Variants in IQCM observed in about 807,000 individuals in gnomAD.
IQCM encodes IQ domain-containing protein M.
IQCM carries 45 observed loss-of-function variants against 57.6 expected under a neutral mutation model. The ratio of observed to expected loss-of-function variants is 0.78; its 90% CI spans 0.62 to 1.00. The LOEUF (loss-of-function observed/expected upper bound fraction) is 1.00, where lower values mean the gene tolerates loss of function less well. Among genes scored for constraint, IQCM ranks in the 50% least tolerant of loss-of-function variants. IQCM has a pLI of 0.00. For missense variants in IQCM, 468 were observed against 511.6 expected, an observed-to-expected ratio of 0.91 and a Z score of 0.82; for synonymous variants, 148 against 158.9, an observed-to-expected ratio of 0.93 and a Z score of 0.51.
At chr4:149,393,984 C>T (rs1732045146) in intron 13 of IQCM, among the ~76,000 whole-genome samples, 1 of 151,888 alleles carries the variant, frequency 6.6e-6, no homozygotes, top group African/African-American at 2.4e-5. Flanking sequence ...CAGGGTGGAT[C>T]TAAAAACACT....
chr4:149,790,745 C>T lies in IQCM; in HGVS notation c.-49+24566G>A, dbSNP rs547958261. On this transcript the variant is annotated intron_variant, in intron 2 of 13. Coordinates refer to ENST00000636793, the MANE Select transcript of IQCM (RefSeq NM_001363507.2). ...TCCCAGGACAATATTAAGAAAATAG[C>T]CTGCAGTGCCTCCTGTGAAATAGCG... Among the ~76,000 whole-genome samples, 5 of 152,188 alleles carry T rather than the reference C, an allele frequency of 3.3e-5. No homozygotes were observed. The South Asian group carries it at 8.3e-4, about 25-fold the overall frequency.
At chr4:149,462,243 G>A (rs552977980) in intron 12 of IQCM, among the ~76,000 whole-genome samples, 8 of 152,260 alleles carry the variant, frequency 5.3e-5, no homozygotes, top group African/African-American at 1.2e-4. Context: ...GGATACCACC[G>A]CACACTCAGT....
intron 2 of IQCM, among the ~76,000 whole-genome samples, chr4:149,803,695 C>A (rs925540975): frequency 6.6e-6 from 1 of 151,908 alleles, no homozygotes; most frequent in Non-Finnish European, 1.5e-5. Context: ...GTTTATCTGG[C>A]TAGAAGTTTA....
intron 12 of IQCM, among the ~76,000 whole-genome samples, chr4:149,478,820 T>A (rs1049890877): frequency 6.6e-6 from 1 of 152,048 alleles, no homozygotes; most frequent in Non-Finnish European, 1.5e-5. Flanking sequence ...TAGTTATAAT[T>A]AGGGGAAATT....
intron 2 of IQCM, among the ~76,000 whole-genome samples, chr4:149,812,837 C>T (rs913561356): frequency 5.3e-5 from 8 of 152,032 alleles, no homozygotes; most frequent in Non-Finnish European, 8.8e-5. Context: ...GTATTTTGCC[C>T]TCCCCTACAC....
chr4:149,652,068 T>G (rs1226747673), intron 7 of IQCM, among the ~76,000 whole-genome samples: 2 of 152,104 alleles, frequency 1.3e-5, no homozygotes, highest in South Asian at 2.1e-4. Context: ...CCATCAATAA[T>G]AGACTGGATA....
At position 149,708,140 on chromosome 4, in the gene IQCM, G is replaced by A. The variant is rs551439083; in HGVS notation, c.386-21672C>T. Among the ~76,000 whole-genome samples, 238 of 152,026 alleles carry A rather than the reference G, an allele frequency of 1.6e-3. 1 individual carries two copies. The highest frequency in any genetic ancestry group is 5.3e-3 in the African/African-American group (221 of 41,498). ...TTCACACAGTCAGAATGTTTCCCAC[G>A]TTCAAGCTAAAGACTTACAGCTTTA... On this transcript the variant is annotated intron_variant, in intron 5 of 13. Coordinates refer to ENST00000636793, the MANE Select transcript of IQCM (RefSeq NM_001363507.2).
At position 149,755,774 on chromosome 4, in the gene IQCM, C is replaced by T. The variant is rs573080851; in HGVS notation, c.-48-13035G>A. On this transcript the variant is annotated intron_variant, in intron 2 of 13. Transcript: ENST00000636793. ...ATAGCTGGACTACTTTTTCCAGGTGCACTTGAAGTTGAAGTATGGCAAGTG... is the reference window on the plus strand; with the variant it reads ...ATAGCTGGACTACTTTTTCCAGGTGTACTTGAAGTTGAAGTATGGCAAGTG... 2.2e-4 allele frequency among the ~76,000 whole-genome samples: 33 copies of T among 152,274 alleles called. 1 individual carries two copies. In the South Asian group the frequency reaches 6.8e-3, roughly 32 times the overall value.
chr4:149,578,447 A>G (rs1384720735), intron 9 of IQCM, among the ~76,000 whole-genome samples: 3 of 151,786 alleles, frequency 2.0e-5, no homozygotes, highest in Non-Finnish European at 4.4e-5. Context: ...TCAGTGGCAC[A>G]GTGACCAGAG....
chr4:149,646,731 C>G (rs558883540), intron 7 of IQCM, among the ~76,000 whole-genome samples: 1 of 152,266 alleles, frequency 6.6e-6, no homozygotes, highest in East Asian at 1.9e-4. Flanking sequence ...CGCCTGTAAT[C>G]CCAGCGCTTT....
chr4:149,406,957 C>A (rs1733020669), intron 13 of IQCM, among the ~76,000 whole-genome samples: 1 of 150,342 alleles, frequency 6.7e-6, no homozygotes, highest in African/African-American at 2.5e-5. Flanking sequence ...TACATGGTGG[C>A]AGGCAAGATA....
At chr4:149,715,395 AGCTTCCACT>A (rs1213341981) in intron 5 of IQCM, among the ~76,000 whole-genome samples, 1 of 152,222 alleles carries the variant, frequency 6.6e-6, no homozygotes, top group Non-Finnish European at 1.5e-5. Context: ...TACTGCAAGC[AGCTTCCACT>A]GCTTCCACCA....
chr4:149,641,839 G>A (rs1444886061), intron 7 of IQCM, among the ~76,000 whole-genome samples: 3 of 152,084 alleles, frequency 2.0e-5, no homozygotes, highest in African/African-American at 4.8e-5. Flanking sequence ...ACATATGCCA[G>A]AGAAACTACC....
chr4:149,786,971 A>T (rs1772132430), intron 2 of IQCM, among the ~76,000 whole-genome samples: 1 of 152,228 alleles, frequency 6.6e-6, no homozygotes, highest in African/African-American at 2.4e-5. Flanking sequence ...AATGTAGTAC[A>T]TATACACCAT....
At chr4:149,655,123 A>C (rs1759524686) in intron 7 of IQCM, among the ~76,000 whole-genome samples, 1 of 152,116 alleles carries the variant, frequency 6.6e-6, no homozygotes, top group Non-Finnish European at 1.5e-5. Context: ...TAATTTTTAA[A>C]TGTTATATTT....
In IQCM at chr4:149,540,477, T is replaced by C. The variant is rs922773593; in HGVS notation, c.1228+7978A>G. Among the ~76,000 whole-genome samples the C allele has an allele frequency of 5.3e-5, 8 of 151,680 alleles. No homozygotes were observed. The South Asian group carries it at 1.7e-3, about 32-fold the overall frequency. ...CAAATCTATAGAGACAAAAAGCAGATCAGTGGTTGGTTGGGGCTGATAGTA... is the reference window on the plus strand; with the variant it reads ...CAAATCTATAGAGACAAAAAGCAGACCAGTGGTTGGTTGGGGCTGATAGTA... On this transcript the variant is annotated intron_variant, in intron 12 of 13. Transcript: ENST00000636793.
At chr4:149,450,448 G>A (rs1045799411) in intron 12 of IQCM, among the ~76,000 whole-genome samples, 2 of 151,702 alleles carry the variant, frequency 1.3e-5, no homozygotes, top group Admixed American at 6.6e-5. Context: ...TAGAAAATAT[G>A]TGTCAACTAC....
At chr4:149,461,198 A>C (rs1247764221) in intron 12 of IQCM, among the ~76,000 whole-genome samples, 4 of 141,578 alleles carry the variant, frequency 2.8e-5, no homozygotes. Flanking sequence ...GTGCCATTGC[A>C]CTCCAGCCCG....
chr4:149,532,509 CT>C (rs760116885), intron 12 of IQCM, among the ~76,000 whole-genome samples: 1,978 of 123,008 alleles, frequency 0.016, 13 homozygotes, highest in African/African-American at 0.031. Context: ...GGATAATTAT[CT>C]TTTTTTTTTT....
Sources: gnomAD v4.1 joint callset for allele counts (sites outside exome capture counted in the v4.1 genomes callset) on GRCh38, gnomAD v4.1.1 for gene constraint, MANE v1.5 for transcripts, NCBI Gene and HGNC (gene_info 2026-07-23, HGNC 2026-07-21) for gene names.